Variants in RYR1 observed in about 807,000 individuals in gnomAD.
RYR1 encodes central core disease of muscle.
In RYR1, 342 loss-of-function variants were observed where a neutral mutation model predicts 583.5. The observed-to-expected ratio is 0.59, with a 90% CI of 0.54 to 0.64. RYR1 has a LOEUF of 0.64. Ranked by LOEUF, RYR1 falls within the 30% of genes least tolerant of loss-of-function variation. The probability of loss-of-function intolerance (pLI) is 0.00; values close to 1 mark genes in which losing one functional copy is unlikely to be tolerated. For missense variants in RYR1, 6,032 were observed against 6,917.2 expected (o/e 0.87, Z 4.54); for synonymous variants, 2,791 against 2,822.5 (o/e 0.99, Z 0.35).
In RYR1 at chr19:38,473,353, G is replaced by C. The variant is rs749393280; in HGVS notation, c.3766-24G>C. ...TGGCCTAGCCCGCCTGCCCAGCCCA[G>C]TACTCCATTCCCTGCCACCTCAGGT... On this transcript the variant is annotated intron_variant, in intron 27 of 105. Transcript: ENST00000359596. The C allele has an allele frequency of 9.3e-6, 15 of 1,613,450 alleles. No homozygotes were observed. The African/African-American group carries it at 2.0e-4, about 22-fold the overall frequency.
rs757960611 is a variant in RYR1 at position 38,502,742 on chromosome 19, GCTTCA to G, written c.7835+16_7835+20del. The G allele has an allele frequency of 1.0e-5, 16 of 1,574,560 alleles. No homozygotes were observed. Among genetic ancestry groups the G allele is most frequent in the African/African-American group, 1.4e-5 (1 of 72,118 alleles). ...TCGCTCTGCAGGTGGAGCGGGGCAG[GCTTCA>G]GGGTGGGGCAGGGGCAGGGGCAGGG... On this transcript the variant is annotated intron_variant, in intron 48 of 105. Transcript: ENST00000359596.
chr19:38,548,222 G>A lies in RYR1; in HGVS notation c.12095-11G>A. 6.2e-7 allele frequency: 1 copy of A among 1,614,068 alleles called. No homozygotes were observed. The highest frequency in any genetic ancestry group is 8.5e-7 in the Non-Finnish European group (1 of 1,180,024). ...TGTTCACCGGCCACACTGACCTGGG[G>A]CTGCCTGCAGGGAACGTGGTGAACG... On this transcript the variant is annotated splice_polypyrimidine_tract_variant and intron_variant, in intron 88 of 105. Transcript: ENST00000359596.
Position 38,578,184 on chromosome 19 carries a change from G to T in RYR1, c.14344G>T (p.Gly4782Trp), listed in dbSNP as rs746538672. The part of the protein sequence containing the change: ...IDVKYQIWKF[G>W]VIFTDNSFLY... ...TGTCAAGTACCAGATCTGGAAGTTC[G>T]GGGTCATCTTCACAGACAACGTGAG... Residue 4782 changes from glycine (G) to tryptophan (W), a missense_variant, in exon 99 of 106, where the codon GGG (glycine) becomes TGG (tryptophan). By Grantham distance (184) the Gly-to-Trp change is radical (BLOSUM62 -2). Transcript: ENST00000359596. 6.2e-7 allele frequency: 1 copy of T among 1,613,394 alleles called. No homozygotes were observed. Among genetic ancestry groups the T allele is most frequent in the Non-Finnish European group, 8.5e-7 (1 of 1,179,798 alleles).
intron 27 of RYR1, among the ~76,000 whole-genome samples, chr19:38,471,205 G>T (rs767462538): frequency 6.6e-6 from 1 of 152,224 alleles, no homozygotes; most frequent in African/African-American, 2.4e-5. Flanking sequence ...CAAATCACAG[G>T]AGGGAGCTCA....
intron 19 of RYR1, among the ~76,000 whole-genome samples, chr19:38,460,124 A>T (rs1967646115): frequency 6.6e-6 from 1 of 152,210 alleles, no homozygotes; most frequent in South Asian, 2.1e-4. Context: ...CAGTCATCTG[A>T]ACTCTTCTAG....
At chr19:38,485,556 A>G in intron 33 of RYR1, 34 bp from the exon 34 acceptor site, 2 of 1,604,954 alleles carry the variant, frequency 1.2e-6, no homozygotes, top group Non-Finnish European at 1.7e-6. Flanking sequence ...AGGCTCATTC[A>G]TCTGTCCCTG....
intron 7 of RYR1, 135 bp from the exon 8 acceptor site, chr19:38,446,337 A>T: frequency 4.2e-6 from 3 of 716,044 alleles, no homozygotes; most frequent in South Asian, 3.0e-5. Flanking sequence ...TGAAACTCAG[A>T]CCTCCAACTG....
At chr19:38,482,476 G>T (rs1014293756) in intron 31 of RYR1, among the ~76,000 whole-genome samples, 4 of 151,914 alleles carry the variant, frequency 2.6e-5, no homozygotes, top group Non-Finnish European at 4.4e-5. Flanking sequence ...TTTGAGATAG[G>T]GTCTTGTTCT....
Position 38,464,659 on chromosome 19 carries a change from G to T in RYR1, c.2807G>T (p.Cys936Phe), listed in dbSNP as rs780742409. 6.3e-7 allele frequency: 1 copy of T among 1,590,756 alleles called. No homozygotes were observed. ...CCCAGGACTCTGCTGGCTCTGGGCT[G>T]CCACGTGGGCATGGCGGATGAGAAG... Reference protein sequence around the residue: ...ETLKTLLALGCHVGMADEKAE... With the variant: ...ETLKTLLALGFHVGMADEKAE... The change falls in exon 23 of 106, where the codon TGC (cysteine) becomes TTC (phenylalanine). Residue 936 changes from cysteine to phenylalanine, a missense_variant. Coordinates refer to ENST00000359596, the MANE Select transcript of RYR1 (RefSeq NM_000540.3).
chr19:38,499,644 TGGA>T lies in RYR1; in HGVS notation c.7042_7044del (p.Glu2348del), dbSNP rs121918596. ...CCATGCGGGTGGCCAGGCGAGAGCG[TGGA>T]GGAGAACGCCAATGTGGTGGTGCGG... On this transcript the variant is annotated inframe_deletion, in exon 44 of 106. Coordinates refer to ENST00000359596, the MANE Select transcript of RYR1 (RefSeq NM_000540.3). The surrounding 1 kb of genome is among the most constrained non-coding windows in gnomAD (Gnocchi z 7.3). 4 of 1,597,762 alleles carry T rather than the reference TGGA, an allele frequency of 2.5e-6. No homozygotes were observed. Among genetic ancestry groups the T allele is most frequent in the African/African-American group, 2.7e-5 (2 of 74,808 alleles).
chr19:38,563,447 T>G (rs1219703151), intron 90 of RYR1, among the ~76,000 whole-genome samples: 1 of 152,222 alleles, frequency 6.6e-6, no homozygotes, highest in Non-Finnish European at 1.5e-5. Context: ...ATATTTTCAG[T>G]AGAGGCGGGG....
chr19:38,466,134 A>G lies in RYR1; in HGVS notation c.2914A>G (p.Ser972Gly), dbSNP rs1568461688. 1.2e-6 allele frequency: 2 copies of G among 1,613,306 alleles called. No individual in the cohort carries two copies. Among genetic ancestry groups the G allele is most frequent in the Non-Finnish European group, 1.7e-6 (2 of 1,179,796 alleles). The change falls in exon 24 of 106, where the codon AGC becomes GGC. Residue 972 changes from serine to glycine, a missense_variant. Ser to Gly is a moderately conservative substitution (Grantham distance 56). Coordinates refer to ENST00000359596, the MANE Select transcript of RYR1 (RefSeq NM_000540.3). ...GTACAAGCCGGCTCCGCTGGACCTG[A>G]GCCACGTGCGGCTGACGCCGGCGCA... ...NGYKPAPLDL[S>G]HVRLTPAQTT... is the part of the protein sequence containing the mutation.
At chr19:38,485,438 G>T in intron 33 of RYR1, 152 bp from the exon 34 acceptor site, 1 of 1,075,258 alleles carries the variant, frequency 9.3e-7, no homozygotes, top group Non-Finnish European at 1.4e-6. Flanking sequence ...CCCAGGATGG[G>T]TGAATTGATA....
intron 7 of RYR1, among the ~76,000 whole-genome samples, chr19:38,445,308 C>T (rs10407327): frequency 0.58 from 86,448 of 149,634 alleles, 25,884 homozygotes; most frequent in Admixed American, 0.67. Context: ...CCCAGACCCC[C>T]AAATTCAAAC....
At chr19:38,470,330 C>T (rs532196576) in intron 27 of RYR1, among the ~76,000 whole-genome samples, 4 of 150,448 alleles carry the variant, frequency 2.7e-5, no homozygotes, top group South Asian at 2.1e-4. Flanking sequence ...CCCAGCCACT[C>T]GGCAAACTGA....
Position 38,561,244 on chromosome 19 carries a change from C to T in RYR1, c.12414C>T (p.Ile4138=). 1.2e-6 allele frequency: 2 copies of T among 1,614,084 alleles called. No homozygotes were observed. Among genetic ancestry groups the T allele is most frequent in the South Asian group, 1.1e-5 (1 of 91,084 alleles). ...GCTTCCAGGAGCCAGCACGCGACAT[C>T]GGCTTCAACGTGGCGGTGCTGCTGA... ...ANRFQEPARD[I]GFNVAVLLTN... The change falls in exon 90 of 106, where the codon ATC becomes ATT. Residue 4138 remains isoleucine, a synonymous_variant. Transcript: ENST00000359596. This position sits in a 1 kb window ranked among gnomAD's most constrained non-coding sequence, Gnocchi z 4.8.
At chr19:38,457,364 C>G in intron 16 of RYR1, 133 bp from the exon 17 acceptor site, 1 of 1,255,358 alleles carries the variant, frequency 8.0e-7, no homozygotes, top group Non-Finnish European at 1.2e-6. Flanking sequence ...TTCACCACCT[C>G]CTCTCAGTCA....
intron 16 of RYR1, among the ~76,000 whole-genome samples, chr19:38,456,012 C>T (rs1466935999): frequency 6.9e-6 from 1 of 145,116 alleles, no homozygotes; most frequent in Non-Finnish European, 1.5e-5. Context: ...CACACTGTCG[C>T]TCAGACTGGA....
At chr19:38,511,399 C>A (rs539964270) in intron 60 of RYR1, among the ~76,000 whole-genome samples, 162 bp from the exon 61 acceptor site, 1 of 152,224 alleles carries the variant, frequency 6.6e-6, no homozygotes, top group South Asian at 2.1e-4. Context: ...CATCTCTCTG[C>A]CCCTTCCCAT....
Sources: allele counts gnomAD v4.1 joint callset (sites outside exome capture counted in the v4.1 genomes callset), GRCh38; gene constraint gnomAD v4.1.1; non-coding constraint Gnocchi (gnomAD v3.1); transcripts MANE v1.5; gene names NCBI Gene and HGNC (gene_info 2026-07-23, HGNC 2026-07-21).